The following ASAP3 variants were observed in gnomAD, a reference collection of about 807,000 sequenced individuals.
The protein encoded by ASAP3 is arf-GAP with SH3 domain, ANK repeat and PH domain-containing protein 3.
ASAP3 carries 85 observed loss-of-function variants against 118.2 expected under a neutral mutation model. That is an observed-to-expected ratio of 0.72 (90% CI 0.60 to 0.86). The LOEUF (loss-of-function observed/expected upper bound fraction) is 0.86. Among genes scored for constraint, ASAP3 ranks in the 40% least tolerant of loss-of-function variants. ASAP3 has a pLI of 0.00. For synonymous variants in ASAP3, 432 were observed against 477.4 expected, an observed-to-expected ratio of 0.90 and a Z score of 1.24; for missense variants, 1,026 against 1,175.0, an observed-to-expected ratio of 0.87 and a Z score of 1.85.
rs1183564526 is a variant in ASAP3, at chr1:23,441,371, T to C, written c.834+16A>G. 2 of 1,613,602 alleles carry C rather than the reference T, an allele frequency of 1.2e-6. No homozygotes were observed. Among genetic ancestry groups the C allele is most frequent in the African/African-American group, 1.3e-5 (1 of 74,908 alleles). ...TTGGGGGAGGGCATTCCTTTTGGGA[T>C]AGTTCAGGGGCTGACCTCTCTGCTC... On this transcript the variant is annotated intron_variant, in intron 9 of 24. Transcript: ENST00000336689.
chr1:23,467,052 A>AG (rs923779480), intron 1 of ASAP3, among the ~76,000 whole-genome samples: 41 of 151,870 alleles, frequency 2.7e-4, no homozygotes, highest in African/African-American at 9.9e-4. Context: ...TAGTAGAGAC[A>AG]GGGGTTTCAC....
At position 23,439,250 on chromosome 1, in the gene ASAP3, A is replaced by T. The variant is rs750937145; in HGVS notation, c.945-20T>A. On this transcript the variant is annotated intron_variant, in intron 10 of 24. Coordinates refer to ENST00000336689, the MANE Select transcript of ASAP3 (RefSeq NM_017707.4). ...CGAATTCTAAAGCCCAGAGGGATAG[A>T]AGGACAGTGACCCAAGGCTCACACC... 8 of 1,612,980 alleles carry T rather than the reference A, an allele frequency of 5.0e-6. No individual in the cohort carries two copies. Among genetic ancestry groups the T allele is most frequent in the Non-Finnish European group, 6.8e-6 (8 of 1,179,342 alleles).
chr1:23,480,359 T>C lies in ASAP3; in HGVS notation c.129+3646A>G, dbSNP rs553438875. The stretch of plus-strand genomic sequence containing the variant: ...TATGAATTCTTAGCTCTGGTCAAAA[T>C]GGCTTACTTGGTTCCCAATATGCTC... On this transcript the variant is annotated intron_variant, in intron 1 of 24. Coordinates refer to ENST00000336689, the MANE Select transcript of ASAP3 (RefSeq NM_017707.4). 2.9e-4 allele frequency among the ~76,000 whole-genome samples: 44 copies of C among 152,312 alleles called. No homozygotes were observed. In the Middle Eastern group the frequency reaches 0.017, roughly 59 times the overall value.
At chr1:23,483,317 T>A (rs1178883529) in intron 1 of ASAP3, among the ~76,000 whole-genome samples, 2 of 152,082 alleles carry the variant, frequency 1.3e-5, no homozygotes, top group Non-Finnish European at 2.9e-5. Context: ...GCAGAGGAGC[T>A]GCGGAAAGCT....
intron 1 of ASAP3, among the ~76,000 whole-genome samples, chr1:23,457,850 A>G (rs1042794715): frequency 6.6e-6 from 1 of 152,220 alleles, no homozygotes; most frequent in Non-Finnish European, 1.5e-5. Context: ...CTGATTAGCC[A>G]TGTGTAAAAT....
chr1:23,479,487 C>T (rs1642240513), intron 1 of ASAP3, among the ~76,000 whole-genome samples: 1 of 152,146 alleles, frequency 6.6e-6, no homozygotes, highest in African/African-American at 2.4e-5. Flanking sequence ...CCAACAGAAA[C>T]AAGCTTGACA....
chr1:23,429,037 C>T lies in ASAP3; in HGVS notation c.*819G>A, dbSNP rs549339581. On this transcript the variant is annotated 3_prime_UTR_variant, in exon 25 of 25. Coordinates refer to ENST00000336689, the MANE Select transcript of ASAP3 (RefSeq NM_017707.4). ...ATCAACCCTGACTATTCCTTTCCTT[C>T]CTGCTAAATCAAGGACACAGGCAAA... is the stretch of plus-strand genomic sequence containing the variant. 5.2e-5 allele frequency: 8 copies of T among 154,872 alleles called. No homozygotes were observed. Among genetic ancestry groups the T allele is most frequent in the African/African-American group, 1.9e-4 (8 of 41,648 alleles). 9.6% of individuals were successfully genotyped at this position (154,872 alleles called of 1,614,324 possible).
At chr1:23,482,056 G>A (rs979235108) in intron 1 of ASAP3, among the ~76,000 whole-genome samples, 8 of 152,160 alleles carry the variant, frequency 5.3e-5, no homozygotes, top group East Asian at 1.9e-4. Context: ...AAATCTGACC[G>A]GCTGCTTCTT....
chr1:23,431,978 C>T (rs1640452147), intron 22 of ASAP3, 60 bp from the exon 23 acceptor site: 2 of 1,453,652 alleles, frequency 1.4e-6, no homozygotes, highest in Non-Finnish European at 1.9e-6. Flanking sequence ...CTGTGCCCAA[C>T]CTCAAAGCAG....
chr1:23,439,367 C>G, intron 10 of ASAP3, 137 bp from the exon 11 acceptor site: 1 of 756,306 alleles, frequency 1.3e-6, no homozygotes, highest in South Asian at 1.7e-5. Context: ...AACCCTACAC[C>G]CCCACCCCTG....
At chr1:23,469,408 A>G (rs1187734599) in intron 1 of ASAP3, among the ~76,000 whole-genome samples, 1 of 152,210 alleles carries the variant, frequency 6.6e-6, no homozygotes, top group Admixed American at 6.5e-5. Context: ...TTATTCTATA[A>G]GTGATGGGGT....
chr1:23,440,125 A>ATTT (rs539194086), intron 10 of ASAP3, among the ~76,000 whole-genome samples: 1 of 133,546 alleles, frequency 7.5e-6, no homozygotes, highest in African/African-American at 2.7e-5. Context: ...CCACAGACTG[A>ATTT]TTTTTTTTTT....
Position 23,441,410 on chromosome 1 carries a change from T to C in ASAP3, c.811A>G (p.Thr271Ala), listed in dbSNP as rs1378558930. 2 of 1,614,006 alleles carry C rather than the reference T, an allele frequency of 1.2e-6. No homozygotes were observed. The highest frequency in any genetic ancestry group is 2.2e-5 in the East Asian group (1 of 44,880). ...LTQLRDSLRGTLQLESREEHL... is the reference protein window; with the variant it reads ...LTQLRDSLRGALQLESREEHL... Reference sequence around the variant, plus strand: ...ACCTCTCTGCTCTCAAGCTGCAGTGTCCCTCGGAGGGAGTCCCGGAGCTGG... The same window carrying C: ...ACCTCTCTGCTCTCAAGCTGCAGTGCCCCTCGGAGGGAGTCCCGGAGCTGG... Residue 271 changes from threonine to alanine, a missense_variant, in exon 9 of 25, where the codon ACA becomes GCA. Transcript: ENST00000336689.
Position 23,434,562 on chromosome 1 carries a change from C to G in ASAP3, c.1806G>C (p.Leu602=). The G allele has an allele frequency of 6.2e-7, 1 of 1,614,116 alleles. No individual in the cohort carries two copies. Among genetic ancestry groups the G allele is most frequent in the Non-Finnish European group, 8.5e-7 (1 of 1,180,014 alleles). The stretch of plus-strand genomic sequence containing the variant: ...TCTGGATGATGAAATCCACCAGAGG[C>G]AGGGAAGCCTGGTTGGCGACTTTGA... ...LAVKVANQAS[L]PLVDFIIQNG... is the part of the protein sequence containing the mutation. Residue 602 remains leucine (L), a synonymous_variant, in exon 18 of 25, where the codon CTG becomes CTC. Coordinates refer to ENST00000336689, the MANE Select transcript of ASAP3 (RefSeq NM_017707.4).
In ASAP3 at chr1:23,437,185, G is replaced by T. The variant is rs1161920287; in HGVS notation, c.1287C>A (p.Ile429=). 6.2e-7 allele frequency: 1 copy of T among 1,607,442 alleles called. No individual in the cohort carries two copies. Residue 429 remains isoleucine, a synonymous_variant, in exon 14 of 25, where the codon ATC becomes ATA. Transcript: ENST00000336689. This position sits in a 1 kb window ranked among gnomAD's most constrained non-coding sequence, Gnocchi z 6.1. ...GEPHDLTKLL[I]AEVKSRPGNS... ...TCCCAGGCCTGCTCTTCACCTCCGC[G>T]ATGAGCAGCTTTGTGAGGTCGTGCG...
chr1:23,437,540 C>A lies in ASAP3; in HGVS notation c.1103-68G>T. The A allele has an allele frequency of 1.3e-6, 2 of 1,589,412 alleles. No individual in the cohort carries two copies. Among genetic ancestry groups the A allele is most frequent in the East Asian group, 2.2e-5 (1 of 44,614 alleles). On this transcript the variant is annotated intron_variant, in intron 12 of 24. Coordinates refer to ENST00000336689, the MANE Select transcript of ASAP3 (RefSeq NM_017707.4). This position sits in a 1 kb window ranked among gnomAD's most constrained non-coding sequence, Gnocchi z 6.1. ...TGGCCTTCCCGGAGCCCAGGGAGCC[C>A]CCACCAAAGCCGCTGGGGCCACATG...
chr1:23,437,005 C>T lies in ASAP3; in HGVS notation c.1382G>A (p.Cys461Tyr). 6.2e-7 allele frequency: 1 copy of T among 1,611,984 alleles called. No homozygotes were observed. The highest frequency in any genetic ancestry group is 1.1e-5 in the South Asian group (1 of 90,858). The part of the protein sequence containing the change: ...WLSTNLGVLT[C>Y]IQCSGVHREL... ...GCGGTGGACGCCCGAGCACTGGATGCAGGTGAGCACGCCCAGGTTGGTGCT... is the reference window on the plus strand; with the variant it reads ...GCGGTGGACGCCCGAGCACTGGATGTAGGTGAGCACGCCCAGGTTGGTGCT... The change falls in exon 15 of 25, where the codon TGC becomes TAC. Residue 461 changes from cysteine to tyrosine, a missense_variant. Cys to Tyr is a radical substitution (Grantham distance 194). Coordinates refer to ENST00000336689, the MANE Select transcript of ASAP3 (RefSeq NM_017707.4). This position sits in a 1 kb window ranked among gnomAD's most constrained non-coding sequence, Gnocchi z 6.1.
chr1:23,458,932 A>G (rs1322834655), intron 1 of ASAP3, among the ~76,000 whole-genome samples: 1 of 152,120 alleles, frequency 6.6e-6, no homozygotes, highest in Non-Finnish European at 1.5e-5. Context: ...GCACTCTGGG[A>G]GGCCAAGGCA....
chr1:23,457,948 A>G (rs1160285703), intron 1 of ASAP3, among the ~76,000 whole-genome samples: 3 of 152,258 alleles, frequency 2.0e-5, no homozygotes, highest in Non-Finnish European at 2.9e-5. Flanking sequence ...GGTGCTAGGC[A>G]TGGAGTATGT....
Sources: allele counts gnomAD v4.1 joint callset (sites outside exome capture counted in the v4.1 genomes callset), GRCh38; gene constraint gnomAD v4.1.1; non-coding constraint Gnocchi (gnomAD v3.1); transcripts MANE v1.5; gene names NCBI Gene and HGNC (gene_info 2026-07-23, HGNC 2026-07-21).